Variants in HBS1L observed in about 807,000 individuals in gnomAD.
HBS1L encodes the protein HBS1-like protein.
A neutral mutation model predicts 88.9 loss-of-function variants in HBS1L; 55 were observed. The ratio of observed to expected loss-of-function variants is 0.62; its 90% CI spans 0.50 to 0.77. HBS1L has a LOEUF of 0.77. HBS1L is among the 30% of genes least tolerant of loss of function. HBS1L has a pLI of 0.00. For missense variants in HBS1L, 741 were observed against 829.3 expected (o/e 0.89, Z 1.31); for synonymous variants, 267 against 288.5 (o/e 0.93, Z 0.76).
chr6:135,025,728 G>C (rs562981140), intron 4 of HBS1L, among the ~76,000 whole-genome samples: 1 of 152,162 alleles, frequency 6.6e-6, no homozygotes, highest in Non-Finnish European at 1.5e-5. Context: ...AAACAAGGTA[G>C]ATGAAGAATA....
chr6:134,995,340 C>T (rs866693958), intron 7 of HBS1L, among the ~76,000 whole-genome samples: 19 of 151,954 alleles, frequency 1.3e-4, no homozygotes, highest in African/African-American at 4.8e-5. Context: ...AAGGAACATA[C>T]GGTGGTGAGC....
chr6:135,009,632 T>G (rs569207202), intron 4 of HBS1L, among the ~76,000 whole-genome samples: 8 of 152,114 alleles, frequency 5.3e-5, no homozygotes, highest in African/African-American at 1.9e-4. Flanking sequence ...AGAAGTAGTA[T>G]TACATATTCT....
intron 1 of HBS1L, among the ~76,000 whole-genome samples, chr6:135,054,356 T>C (rs777409242): frequency 2.6e-5 from 4 of 152,368 alleles, no homozygotes; most frequent in Non-Finnish European, 4.4e-5. Flanking sequence ...GAGGTGATAA[T>C]GCTTACGTGC....
In HBS1L at chr6:134,996,844, T is replaced by C; in HGVS notation, c.898A>G (p.Lys300Glu). 1 of 1,612,446 alleles carries C rather than the reference T, an allele frequency of 6.2e-7. No homozygotes were observed. The highest frequency in any genetic ancestry group is 8.5e-7 in the Non-Finnish European group (1 of 1,179,366). ...RTMHKYEQES[K>E]KAGKASFAYA... is the part of the protein sequence containing the mutation. ...GCAAACGAAGCTTTGCCAGCCTTTT[T>C]AGACTCCTGTTCATACTTATGCATA... The change falls in exon 7 of 18, where the codon AAA becomes GAA. Residue 300 changes from lysine (K) to glutamate (E), a missense_variant. This residue lies in a region of HBS1L where 556 missense variants were observed against 598.4 expected (regional missense o/e 0.93). Coordinates refer to ENST00000367837, the MANE Select transcript of HBS1L (RefSeq NM_006620.4).
chr6:135,050,790 T>G, intron 1 of HBS1L, 143 bp from the exon 2 acceptor site: 1 of 598,128 alleles, frequency 1.7e-6, no homozygotes, highest in Non-Finnish European at 3.0e-6. Flanking sequence ...TCAAAAAAAC[T>G]CTTAAGAATT....
At chr6:135,036,435 C>A in intron 4 of HBS1L, 1 of 1,357,108 alleles carries the variant, frequency 7.4e-7, no homozygotes, top group Non-Finnish European at 9.4e-7. Context: ...ATCAACTAAT[C>A]AACTGACCTA....
At chr6:135,049,769 AC>A (rs1777022451) in intron 2 of HBS1L, among the ~76,000 whole-genome samples, 1 of 152,136 alleles carries the variant, frequency 6.6e-6, no homozygotes, top group Non-Finnish European at 1.5e-5. Context: ...ACGGGGTTTC[AC>A]CATGTTGGCC....
chr6:135,018,154 A>G (rs1775975798), intron 4 of HBS1L, among the ~76,000 whole-genome samples: 1 of 152,110 alleles, frequency 6.6e-6, no homozygotes, highest in Non-Finnish European at 1.5e-5. Flanking sequence ...TTCCAATGAA[A>G]AAAACACTAC....
At chr6:134,970,650 G>T (rs1774456696) in intron 15 of HBS1L, among the ~76,000 whole-genome samples, 1 of 152,154 alleles carries the variant, frequency 6.6e-6, no homozygotes, top group Non-Finnish European at 1.5e-5. Context: ...TGGCCATGAT[G>T]CTGTGTGTAG....
At chr6:135,038,168 T>C in intron 4 of HBS1L, 1 of 633,976 alleles carries the variant, frequency 1.6e-6, no homozygotes. Flanking sequence ...AAGTGATACT[T>C]GATCATTACT....
chr6:135,033,040 G>T (rs536660124), intron 4 of HBS1L, among the ~76,000 whole-genome samples: 1 of 152,096 alleles, frequency 6.6e-6, no homozygotes, highest in Non-Finnish European at 1.5e-5. Context: ...AAAGACTTTA[G>T]AATGCAAAAG....
chr6:135,049,648 T>C (rs1777017477), intron 2 of HBS1L, among the ~76,000 whole-genome samples: 1 of 152,194 alleles, frequency 6.6e-6, no homozygotes, highest in South Asian at 2.1e-4. Context: ...CTCAGCTCAC[T>C]GCAACCTCTG....
chr6:135,039,927 T>C (rs1163282031), intron 3 of HBS1L, among the ~76,000 whole-genome samples, 160 bp from the exon 4 acceptor site: 2 of 152,256 alleles, frequency 1.3e-5, no homozygotes, highest in African/African-American at 2.4e-5. Context: ...TTATCTACAA[T>C]ATACCTATCT....
At chr6:134,986,683 C>A (rs1057132617) in intron 10 of HBS1L, 53 bp downstream of exon 10, 1 of 879,990 alleles carries the variant, frequency 1.1e-6, no homozygotes, top group Non-Finnish European at 1.7e-6. Context: ...TCCTCTCATA[C>A]CAGTAAGATG....
chr6:135,031,568 A>G (rs527782683), intron 4 of HBS1L, among the ~76,000 whole-genome samples: 1 of 152,146 alleles, frequency 6.6e-6, no homozygotes, highest in East Asian at 1.9e-4. Context: ...GGTGACAGTA[A>G]TAACAAAGAC....
chr6:134,993,804 G>A lies in HBS1L; in HGVS notation c.1037C>T (p.Pro346Leu), dbSNP rs1775212808. The change falls in exon 8 of 18, where the codon CCA (proline) becomes CTA (leucine). Residue 346 changes from proline (P) to leucine (L), a missense_variant. This residue lies in a region of HBS1L where 556 missense variants were observed against 598.4 expected (regional missense o/e 0.93). Coordinates refer to ENST00000367837, the MANE Select transcript of HBS1L (RefSeq NM_006620.4). ...ATTTGGAATGAAGTCCTTATGGCCT[G>A]GAGCATCCATTAATGTAATAACTTT... is the stretch of plus-strand genomic sequence containing the variant. ...TTKVITLMDA[P>L]GHKDFIPNMI... The A allele has an allele frequency of 6.2e-7, 1 of 1,605,950 alleles. No individual in the cohort carries two copies. The highest frequency in any genetic ancestry group is 8.5e-7 in the Non-Finnish European group (1 of 1,174,626).
chr6:135,004,900 A>C (rs545363062), intron 4 of HBS1L, among the ~76,000 whole-genome samples: 1 of 152,316 alleles, frequency 6.6e-6, no homozygotes, highest in East Asian at 1.9e-4. Context: ...GCACAGAGAA[A>C]GAAGAGAAGT....
At chr6:135,017,733 A>G (rs1288399200) in intron 4 of HBS1L, among the ~76,000 whole-genome samples, 5 of 151,984 alleles carry the variant, frequency 3.3e-5, no homozygotes, top group African/African-American at 1.2e-4. Context: ...GCAAAGATAA[A>G]TTATGTTATC....
rs371963183 is a variant in HBS1L, at chr6:134,971,351, A to G, written c.1798-2013T>C. ...ATATAAGTCTAAATATCTAAGAAAC[A>G]TTTCGTTTGTAACAAACAACTGAGG... On this transcript the variant is annotated intron_variant, in intron 15 of 17. Coordinates refer to ENST00000367837, the MANE Select transcript of HBS1L (RefSeq NM_006620.4). 3.4e-3 allele frequency among the ~76,000 whole-genome samples: 515 copies of G among 152,310 alleles called. 2 individuals are homozygous for G. Among genetic ancestry groups the G allele is most frequent in the African/African-American group, 0.012 (481 of 41,564 alleles).
Sources: gnomAD v4.1 joint callset for allele counts (sites outside exome capture counted in the v4.1 genomes callset) on GRCh38, gnomAD v4.1.1 for gene constraint, gnomAD v4.1.1 regional missense constraint, MANE v1.5 for transcripts, NCBI Gene and HGNC (gene_info 2026-07-23, HGNC 2026-07-21) for gene names.